Variants in PIP5K1B observed in about 807,000 individuals in gnomAD.
PIP5K1B encodes the protein phosphatidylinositol 4-phosphate 5-kinase type-1 beta.
A neutral mutation model predicts 67.0 loss-of-function variants in PIP5K1B; 42 were observed. That is an observed-to-expected ratio of 0.63 (90% confidence interval 0.49 to 0.81). PIP5K1B has a LOEUF of 0.81. Ranked by LOEUF, PIP5K1B falls within the 30% of genes least tolerant of loss-of-function variation. The pLI is 0.00. For missense variants in PIP5K1B, 459 were observed against 646.3 expected, an observed-to-expected ratio of 0.71 and a Z score of 3.14; for synonymous variants, 214 against 231.4, an observed-to-expected ratio of 0.92 and a Z score of 0.68.
intron 1 of PIP5K1B, among the ~76,000 whole-genome samples, chr9:68,710,021 A>G (rs1827308961): frequency 6.6e-6 from 1 of 152,230 alleles, no homozygotes. Flanking sequence ...TAAAGTCATA[A>G]ATATGTATAC....
chr9:68,964,851 G>A (rs1388777013), intron 14 of PIP5K1B, among the ~76,000 whole-genome samples: 1 of 152,216 alleles, frequency 6.6e-6, no homozygotes. Context: ...CCCAAGAGGA[G>A]GTTGATTGAT....
At chr9:68,890,827 T>TA (rs1431381343) in intron 7 of PIP5K1B, among the ~76,000 whole-genome samples, 2 of 152,234 alleles carry the variant, frequency 1.3e-5, no homozygotes, top group African/African-American at 2.4e-5. Context: ...CAAATTGATA[T>TA]AATATTATTT....
At chr9:68,952,833 T>G (rs1471187100) in intron 14 of PIP5K1B, among the ~76,000 whole-genome samples, 2 of 151,792 alleles carry the variant, frequency 1.3e-5, no homozygotes, top group Non-Finnish European at 2.9e-5. Context: ...CTGCCTTCCT[T>G]CCTTCCTTCC....
intron 5 of PIP5K1B, among the ~76,000 whole-genome samples, chr9:68,871,293 C>G (rs1229183136): frequency 6.6e-6 from 1 of 152,160 alleles, no homozygotes; most frequent in Non-Finnish European, 1.5e-5. Flanking sequence ...CTAAGTTAAG[C>G]CATTCCTATC....
Position 69,002,149 on chromosome 9 carries a change from T to G in PIP5K1B, c.1621-6298T>G, listed in dbSNP as rs575177753. ...CCATGTGCTGCCAACACCCCAGAATTCAACCAACAGTCTACCAGATCTGGA... is the reference window on the plus strand; with the variant it reads ...CCATGTGCTGCCAACACCCCAGAATGCAACCAACAGTCTACCAGATCTGGA... On this transcript the variant is annotated intron_variant, in intron 15 of 15. Transcript: ENST00000265382. Among the ~76,000 whole-genome samples the G allele has an allele frequency of 2.0e-5, 3 of 152,238 alleles. No individual in the cohort carries two copies. In the South Asian group the frequency reaches 6.2e-4, roughly 32 times the overall value.
intron 11 of PIP5K1B, among the ~76,000 whole-genome samples, chr9:68,921,892 T>C (rs1354940871): frequency 6.6e-6 from 1 of 152,174 alleles, no homozygotes; most frequent in Non-Finnish European, 1.5e-5. Flanking sequence ...ACCTATCATC[T>C]GCTTTTCTTT....
At chr9:68,853,355 T>G (rs1822591664) in intron 4 of PIP5K1B, among the ~76,000 whole-genome samples, 1 of 152,182 alleles carries the variant, frequency 6.6e-6, no homozygotes, top group South Asian at 2.1e-4. Context: ...GCTGGCCCAC[T>G]GTGAGATATG....
chr9:68,776,154 G>A (rs1255019836), intron 2 of PIP5K1B, among the ~76,000 whole-genome samples: 1 of 152,136 alleles, frequency 6.6e-6, no homozygotes, highest in Non-Finnish European at 1.5e-5. Context: ...GGTTGTTGAT[G>A]CTAATTAACG....
chr9:68,796,260 T>C (rs1336710505), intron 2 of PIP5K1B, among the ~76,000 whole-genome samples: 1 of 152,242 alleles, frequency 6.6e-6, no homozygotes, highest in Non-Finnish European at 1.5e-5. Flanking sequence ...GTTATTTTTT[T>C]CTGTGGATGT....
intron 1 of PIP5K1B, among the ~76,000 whole-genome samples, chr9:68,725,318 C>T (rs1459351265): frequency 1.3e-5 from 2 of 152,196 alleles, no homozygotes; most frequent in Non-Finnish European, 2.9e-5. Context: ...GGTCAAGTGA[C>T]TTGACCCTAT....
At chr9:68,845,434 G>C (rs961967620) in intron 4 of PIP5K1B, among the ~76,000 whole-genome samples, 3 of 152,192 alleles carry the variant, frequency 2.0e-5, no homozygotes, top group African/African-American at 7.2e-5. Flanking sequence ...AGCCAGCTGG[G>C]TTTTGGAGGA....
At chr9:68,949,350 A>AT (rs1480698513) in intron 14 of PIP5K1B, among the ~76,000 whole-genome samples, 2 of 152,174 alleles carry the variant, frequency 1.3e-5, no homozygotes, top group Non-Finnish European at 2.9e-5. Flanking sequence ...TGAAGTCTGC[A>AT]TTTTGGCAAG....
chr9:68,724,230 T>C (rs2132271297), intron 1 of PIP5K1B, among the ~76,000 whole-genome samples: 1 of 87,974 alleles, frequency 1.1e-5, no homozygotes, highest in South Asian at 3.9e-4. Context: ...GTCTGTGTTT[T>C]TTTTGGGTTT....
intron 2 of PIP5K1B, among the ~76,000 whole-genome samples, chr9:68,800,567 C>T (rs772804107): frequency 5.9e-5 from 9 of 152,034 alleles, no homozygotes; most frequent in Non-Finnish European, 1.0e-4. Context: ...AAGAGGATGT[C>T]GGGCCTTTAT....
intron 14 of PIP5K1B, among the ~76,000 whole-genome samples, chr9:68,989,794 AC>A (rs1428588975): frequency 6.6e-6 from 1 of 152,170 alleles, no homozygotes; most frequent in Admixed American, 6.5e-5. Flanking sequence ...AGCCTGGCCA[AC>A]ATGGTGAAAC....
intron 15 of PIP5K1B, among the ~76,000 whole-genome samples, chr9:69,001,307 G>A (rs1466626796): frequency 2.6e-5 from 4 of 152,040 alleles, no homozygotes; most frequent in African/African-American, 7.3e-5. Context: ...GTTGTCCTCA[G>A]GCAGTGCTCC....
At chr9:68,963,193 G>A (rs1291583521) in intron 14 of PIP5K1B, 1 of 456,238 alleles carries the variant, frequency 2.2e-6, no homozygotes, top group South Asian at 1.5e-5. Context: ...GTTCAAGATG[G>A]CAACATCAGA....
At chr9:68,775,585 G>A (rs1262208721) in intron 2 of PIP5K1B, among the ~76,000 whole-genome samples, 5 of 152,164 alleles carry the variant, frequency 3.3e-5, no homozygotes, top group Middle Eastern at 3.2e-3. Context: ...GATGGAGTGC[G>A]ACGGCACCAG....
chr9:68,817,689 G>A (rs888351500), intron 2 of PIP5K1B, among the ~76,000 whole-genome samples: 2 of 151,254 alleles, frequency 1.3e-5, no homozygotes, highest in African/African-American at 2.4e-5. Flanking sequence ...GCTATCGCAC[G>A]GTGGGGGAGA....
Sources: allele counts gnomAD v4.1 joint callset (sites outside exome capture counted in the v4.1 genomes callset), GRCh38; gene constraint gnomAD v4.1.1; transcripts MANE v1.5; gene names NCBI Gene and HGNC (gene_info 2026-07-23, HGNC 2026-07-21).